The following FNBP1 variants were observed in gnomAD, a reference collection of about 807,000 sequenced individuals.
FNBP1 encodes formin-binding protein 1.
A neutral mutation model predicts 90.6 loss-of-function variants in FNBP1; 26 were observed. The ratio of observed to expected loss-of-function variants is 0.29; its 90% CI spans 0.21 to 0.40. The LOEUF (loss-of-function observed/expected upper bound fraction) is 0.40. Among genes scored for constraint, FNBP1 ranks in the 10% least tolerant of loss-of-function variants. The probability of loss-of-function intolerance (pLI) is 1.00; values close to 1 mark genes in which losing one functional copy is unlikely to be tolerated. For synonymous variants in FNBP1, 260 were observed against 265.2 expected (o/e 0.98, Z 0.19); for missense variants, 635 against 768.0 (o/e 0.83, Z 2.05).
intron 1 of FNBP1, among the ~76,000 whole-genome samples, chr9:130,027,093 T>A (rs540030968): frequency 6.6e-6 from 1 of 152,002 alleles, no homozygotes; most frequent in African/African-American, 2.4e-5. Flanking sequence ...GGCAAAACCA[T>A]ATCTTACTAA....
chr9:129,996,849 A>G (rs1473255465), intron 1 of FNBP1, among the ~76,000 whole-genome samples: 2 of 151,920 alleles, frequency 1.3e-5, no homozygotes, highest in African/African-American at 2.4e-5. Flanking sequence ...ACCCGCCACC[A>G]TGCCTTCACT....
At chr9:129,904,970 T>A (rs963393154) in intron 12 of FNBP1, among the ~76,000 whole-genome samples, 2 of 152,188 alleles carry the variant, frequency 1.3e-5, no homozygotes, top group Non-Finnish European at 2.9e-5. Flanking sequence ...TAAACATTTT[T>A]AAATAATGTT....
Position 129,951,418 on chromosome 9 carries a change from C to CTATTTATTTATTTATT in FNBP1, c.513+5926_513+5941dup, listed in dbSNP as rs532417506. Reference sequence around the variant, plus strand: ...TGACTTGTACCTTCTTATATAATTTCTATTTATTTATTTATTTATTTATTT... The same window carrying CTATTTATTTATTTATT: ...TGACTTGTACCTTCTTATATAATTTCTATTTATTTATTTATTTATTTATTTATTTATTTATTTATTT... On this transcript the variant is annotated intron_variant, in intron 6 of 16. Transcript: ENST00000446176. 4.4e-3 allele frequency among the ~76,000 whole-genome samples: 633 copies of CTATTTATTTATTTATT among 143,626 alleles called. 3 individuals are homozygous for CTATTTATTTATTTATT. Among genetic ancestry groups the CTATTTATTTATTTATT allele is most frequent in the Non-Finnish European group, 7.2e-3 (468 of 65,136 alleles). The allele number at this position is 143,626 out of a possible 152,430, so 94.2% of individuals were successfully genotyped here. A position where few individuals can be genotyped will look rare whatever the true frequency, so the allele number is the denominator to read the frequency against.
rs536066792 is a variant in FNBP1, at chr9:130,042,778, C to T, written c.24+174G>A. On this transcript the variant is annotated intron_variant, in intron 1 of 16. Transcript: ENST00000446176. The surrounding 1 kb of genome is among the most constrained non-coding windows in gnomAD (Gnocchi z 5.5). ...AGGACAAGCCGGCCCGCACCTCCTG[C>T]TCGGGCCAAGGCGGACGAGGGGCAT... Among the ~76,000 whole-genome samples the T allele has an allele frequency of 3.3e-5, 5 of 151,940 alleles. No individual in the cohort carries two copies. In the East Asian group the frequency reaches 7.7e-4, roughly 24 times the overall value.
chr9:130,032,996 C>T (rs1354338347), intron 1 of FNBP1, among the ~76,000 whole-genome samples: 1 of 152,068 alleles, frequency 6.6e-6, no homozygotes, highest in Non-Finnish European at 1.5e-5. Flanking sequence ...AACATGTACA[C>T]CAAATTTTAA....
At chr9:129,938,744 A>G (rs972339404) in intron 6 of FNBP1, among the ~76,000 whole-genome samples, 4 of 152,028 alleles carry the variant, frequency 2.6e-5, no homozygotes, top group African/African-American at 9.7e-5. Context: ...TGAAATATCT[A>G]TTTACTCAAG....
chr9:130,009,960 C>T (rs917632455), intron 1 of FNBP1, among the ~76,000 whole-genome samples: 4 of 123,836 alleles, frequency 3.2e-5, no homozygotes, highest in Admixed American at 1.0e-4. Context: ...GCCTGGGTGA[C>T]AGAGCAAGAC....
intron 1 of FNBP1, among the ~76,000 whole-genome samples, chr9:130,015,104 A>G (rs1400852388): frequency 6.6e-6 from 1 of 152,212 alleles, no homozygotes; most frequent in East Asian, 1.9e-4. Flanking sequence ...AAAACATTAC[A>G]GTAAGCAACA....
chr9:129,911,696 G>GCT (rs1450994389), intron 11 of FNBP1, among the ~76,000 whole-genome samples: 1 of 152,114 alleles, frequency 6.6e-6, no homozygotes, highest in Non-Finnish European at 1.5e-5. Flanking sequence ...ACTTTGGGAG[G>GCT]CTGAGGCAGG....
the FNBP1 span, among the ~76,000 whole-genome samples, chr9:130,048,826 G>A: frequency 6.9e-6 from 1 of 144,566 alleles, no homozygotes; most frequent in African/African-American, 2.6e-5. Flanking sequence ...TGTCGCCCAG[G>A]CTGGAGTGCA....
intron 7 of FNBP1, among the ~76,000 whole-genome samples, chr9:129,929,181 A>G (rs187096330): frequency 6.6e-6 from 1 of 152,186 alleles, no homozygotes; most frequent in East Asian, 1.9e-4. Flanking sequence ...AGGCCGAGGT[A>G]GGCAGATCAC....
chr9:129,965,308 T>C (rs1174496187), intron 4 of FNBP1, among the ~76,000 whole-genome samples: 1 of 152,218 alleles, frequency 6.6e-6, no homozygotes, highest in Non-Finnish European at 1.5e-5. Flanking sequence ...ATAGTAAAAA[T>C]ACCTTCTTAA....
intron 4 of FNBP1, among the ~76,000 whole-genome samples, chr9:129,962,812 G>A (rs911491084): frequency 1.7e-4 from 26 of 152,174 alleles, no homozygotes; most frequent in African/African-American, 6.0e-4. Context: ...GCCAAGGACA[G>A]GGTTAGGGAA....
intron 6 of FNBP1, among the ~76,000 whole-genome samples, chr9:129,947,985 A>T (rs764583200): frequency 5.5e-4 from 68 of 124,460 alleles, no homozygotes; most frequent in Middle Eastern, 8.1e-3. Flanking sequence ...CCTTAAATTT[A>T]AAAAAAAAAA....
chr9:129,975,928 G>A (rs2050241938), intron 4 of FNBP1, among the ~76,000 whole-genome samples: 1 of 138,456 alleles, frequency 7.2e-6, no homozygotes, highest in Non-Finnish European at 1.6e-5. Flanking sequence ...AAAAAAAGGA[G>A]AGAGACAAAG....
chr9:130,001,131 G>C (rs1157950291), intron 1 of FNBP1, among the ~76,000 whole-genome samples: 3 of 152,030 alleles, frequency 2.0e-5, no homozygotes, highest in African/African-American at 4.8e-5. Flanking sequence ...AGGAGCTCGA[G>C]ACCAGCCTGG....
chr9:130,033,519 G>C (rs2058993264), intron 1 of FNBP1, among the ~76,000 whole-genome samples: 1 of 152,104 alleles, frequency 6.6e-6, no homozygotes, highest in Non-Finnish European at 1.5e-5. Flanking sequence ...TTCGTTTCTT[G>C]TTCCTGAAGA....
At chr9:130,035,668 C>A (rs565204307) in intron 1 of FNBP1, among the ~76,000 whole-genome samples, 1 of 152,280 alleles carries the variant, frequency 6.6e-6, no homozygotes, top group South Asian at 2.1e-4. Context: ...ATAGAGAGGT[C>A]AGGCACGGTG....
At chr9:129,946,933 C>T (rs2045384575) in intron 6 of FNBP1, among the ~76,000 whole-genome samples, 1 of 152,324 alleles carries the variant, frequency 6.6e-6, no homozygotes, top group Admixed American at 6.5e-5. Flanking sequence ...ATAACCTTTT[C>T]CTTTCTCATC....
Sources: allele counts gnomAD v4.1 joint callset (sites outside exome capture counted in the v4.1 genomes callset), GRCh38; gene constraint gnomAD v4.1.1; non-coding constraint Gnocchi (gnomAD v3.1); transcripts MANE v1.5; gene names NCBI Gene and HGNC (gene_info 2026-07-23, HGNC 2026-07-21).